DNER: variants seen among roughly 807,000 people sequenced by gnomAD.
DNER encodes the protein delta and Notch-like epidermal growth factor-related receptor.
DNER carries 33 observed loss-of-function variants against 78.2 expected under a neutral mutation model. The observed-to-expected ratio is 0.42, with a 90% confidence interval of 0.32 to 0.56. DNER has a LOEUF of 0.56. Ranked by LOEUF, DNER falls within the 20% of genes least tolerant of loss-of-function variation. DNER has a pLI of 0.11. For missense variants in DNER, 918 were observed against 975.3 expected, an observed-to-expected ratio of 0.94 and a Z score of 0.78; for synonymous variants, 417 against 384.8, an observed-to-expected ratio of 1.08 and a Z score of -0.98.
Position 229,703,017 on chromosome 2 carries a change from G to A in DNER, c.276+11131C>T, listed in dbSNP as rs191753287. ...ATCTCAATATGTGCCTGGGAGAACTGCATTTCTCTAGCTCCTCACCTGTGG... is the reference window on the plus strand; with the variant it reads ...ATCTCAATATGTGCCTGGGAGAACTACATTTCTCTAGCTCCTCACCTGTGG... On this transcript the variant is annotated intron_variant, in intron 1 of 12. Coordinates refer to ENST00000341772, the MANE Select transcript of DNER (RefSeq NM_139072.4). Among the ~76,000 whole-genome samples, 273 of 151,676 alleles carry A rather than the reference G, an allele frequency of 1.8e-3. 3 individuals carry two copies. The highest frequency in any genetic ancestry group is 4.1e-4 in the Non-Finnish European group (28 of 67,954).
intron 2 of DNER, among the ~76,000 whole-genome samples, chr2:229,590,556 T>G (rs1697584096): frequency 6.6e-6 from 1 of 152,146 alleles, no homozygotes; most frequent in Non-Finnish European, 1.5e-5. Flanking sequence ...GATGATGGTA[T>G]TAAGAGGTGG....
At chr2:229,633,049 C>A (rs1216675495) in intron 1 of DNER, among the ~76,000 whole-genome samples, 1 of 151,990 alleles carries the variant, frequency 6.6e-6, no homozygotes, top group Non-Finnish European at 1.5e-5. Context: ...AAATTGGTAC[C>A]CTTCTTTAGG....
intron 4 of DNER, among the ~76,000 whole-genome samples, chr2:229,571,582 C>T (rs565304451): frequency 7.2e-5 from 11 of 152,296 alleles, no homozygotes; most frequent in Middle Eastern, 3.4e-3. Flanking sequence ...CCCACCTCTG[C>T]ACTCAACTTC....
At chr2:229,490,618 G>A (rs1695378911) in intron 6 of DNER, among the ~76,000 whole-genome samples, 1 of 152,156 alleles carries the variant, frequency 6.6e-6, no homozygotes, top group African/African-American at 2.4e-5. Flanking sequence ...CTAAAGGGTA[G>A]AGGGCCTCTT....
At chr2:229,691,493 T>C (rs1374731303) in intron 1 of DNER, among the ~76,000 whole-genome samples, 2 of 151,914 alleles carry the variant, frequency 1.3e-5, no homozygotes, top group South Asian at 2.1e-4. Flanking sequence ...TGGAGCCTAA[T>C]AAATCTCTCC....
At chr2:229,615,762 A>G (rs144351890) in intron 1 of DNER, among the ~76,000 whole-genome samples, 15 of 151,040 alleles carry the variant, frequency 9.9e-5, no homozygotes, top group African/African-American at 3.6e-4. Context: ...ACATTTCTGT[A>G]GTGGTCATCC....
At chr2:229,560,730 C>T (rs73998273) in intron 4 of DNER, among the ~76,000 whole-genome samples, 1 of 152,054 alleles carries the variant, frequency 6.6e-6, no homozygotes, top group Admixed American at 6.6e-5. Context: ...AAAAATTGCT[C>T]GATGCTGAGA....
At chr2:229,471,046 A>G (rs1170410967) in intron 7 of DNER, among the ~76,000 whole-genome samples, 1 of 91,980 alleles carries the variant, frequency 1.1e-5, no homozygotes, top group African/African-American at 2.7e-5. Context: ...TGTTAATTTT[A>G]TGAGGGTATG....
chr2:229,442,359 C>T (rs781179735), intron 8 of DNER, among the ~76,000 whole-genome samples: 1 of 151,896 alleles, frequency 6.6e-6, no homozygotes, highest in Non-Finnish European at 1.5e-5. Flanking sequence ...ACTAAAAATA[C>T]AAAAAATTAG....
chr2:229,399,361 T>G (rs1168172355), intron 10 of DNER, among the ~76,000 whole-genome samples: 1 of 151,684 alleles, frequency 6.6e-6, no homozygotes, highest in Non-Finnish European at 1.5e-5. Context: ...TGGATATACA[T>G]GTACAGGGAA....
At chr2:229,473,301 T>C (rs183445072) in intron 7 of DNER, among the ~76,000 whole-genome samples, 10 of 152,356 alleles carry the variant, frequency 6.6e-5, no homozygotes, top group Non-Finnish European at 1.3e-4. Context: ...ATTTTACTTA[T>C]GATTATGGTT....
chr2:229,681,051 G>A (rs1699380505), intron 1 of DNER, among the ~76,000 whole-genome samples: 1 of 152,114 alleles, frequency 6.6e-6, no homozygotes, highest in South Asian at 2.1e-4. Context: ...GCATATATGG[G>A]GTATGCTGAT....
chr2:229,380,654 C>T (rs1342514666), intron 11 of DNER, among the ~76,000 whole-genome samples: 2 of 152,066 alleles, frequency 1.3e-5, no homozygotes, highest in South Asian at 2.1e-4. Flanking sequence ...CAGTCAGGCA[C>T]GGTGACTCAC....
At chr2:229,555,934 A>T (rs1445125679) in intron 4 of DNER, among the ~76,000 whole-genome samples, 3 of 152,228 alleles carry the variant, frequency 2.0e-5, no homozygotes, top group Non-Finnish European at 1.5e-5. Context: ...AGTTATTATA[A>T]AAGTATTTTT....
intron 4 of DNER, among the ~76,000 whole-genome samples, chr2:229,561,557 A>G (rs189326863): frequency 2.3e-4 from 35 of 152,344 alleles, no homozygotes; most frequent in African/African-American, 7.9e-4. Context: ...GTGAACAAAA[A>G]AAAATTATAT....
chr2:229,488,702 C>A (rs1695331613), intron 6 of DNER, among the ~76,000 whole-genome samples: 1 of 152,224 alleles, frequency 6.6e-6, no homozygotes, highest in Admixed American at 6.5e-5. Context: ...GAGGGCCAAC[C>A]AAGGCCAGCC....
intron 1 of DNER, among the ~76,000 whole-genome samples, chr2:229,695,942 G>T (rs778124141): frequency 8.5e-5 from 13 of 152,148 alleles, no homozygotes; most frequent in Non-Finnish European, 1.8e-4. Flanking sequence ...TTGTTTGTTT[G>T]TTTGCTGGGG....
chr2:229,569,571 A>G (rs1697179074), intron 4 of DNER, among the ~76,000 whole-genome samples: 1 of 152,156 alleles, frequency 6.6e-6, no homozygotes, highest in African/African-American at 2.4e-5. Context: ...AAGATGGAGT[A>G]GTATTTGGAT....
chr2:229,679,995 G>A (rs1206991192), intron 1 of DNER, among the ~76,000 whole-genome samples: 1 of 152,108 alleles, frequency 6.6e-6, no homozygotes, highest in Non-Finnish European at 1.5e-5. Context: ...TTTGAAAAAG[G>A]CTATAAAAGT....
Sources: gnomAD v4.1 joint callset for allele counts (sites outside exome capture counted in the v4.1 genomes callset) on GRCh38, gnomAD v4.1.1 for gene constraint, MANE v1.5 for transcripts, NCBI Gene and HGNC (gene_info 2026-07-23, HGNC 2026-07-21) for gene names.